Variants in ZNF431 observed in about 807,000 individuals in gnomAD.
ZNF431 encodes the protein zinc finger protein 431.
ZNF431 carries 34 observed loss-of-function variants against 57.0 expected under a neutral mutation model. The ratio of observed to expected loss-of-function variants is 0.60; its 90% CI spans 0.45 to 0.79. The LOEUF (loss-of-function observed/expected upper bound fraction) is 0.79, where lower values mean the gene tolerates loss of function less well. Among genes scored for constraint, ZNF431 ranks in the 30% least tolerant of loss-of-function variants. The pLI, the probability that ZNF431 is intolerant of heterozygous loss-of-function variation, is 0.00. For missense variants in ZNF431, 607 were observed against 667.1 expected, an observed-to-expected ratio of 0.91 and a Z score of 0.99; for synonymous variants, 207 against 220.3, an observed-to-expected ratio of 0.94 and a Z score of 0.54.
At position 21,185,685 on chromosome 19, in the gene ZNF431, TCC is replaced by T. The variant is rs1971353284; in HGVS notation, c.*1652_*1653del. 3 of 152,276 alleles carry T rather than the reference TCC, an allele frequency of 2.0e-5. No individual in the cohort carries two copies. The highest frequency in any genetic ancestry group is 4.8e-5 in the African/African-American group (2 of 41,448). The allele number at this position is 152,276 out of a possible 1,614,324, so 9.4% of individuals were successfully genotyped here. A position where few individuals can be genotyped will look rare whatever the true frequency, so the allele number is the denominator to read the frequency against. On this transcript the variant is annotated 3_prime_UTR_variant, in exon 5 of 5. Transcript: ENST00000311048. ...CATATTGGCCAAGCTGGTCTTGAAC[TCC>T]TGACCTCATGTGATCCGCCCGCCTC...
intron 2 of ZNF431, among the ~76,000 whole-genome samples, chr19:21,152,888 G>A (rs1970315849): frequency 6.6e-6 from 1 of 152,188 alleles, no homozygotes; most frequent in Admixed American, 6.5e-5. Flanking sequence ...CAGACCCCAA[G>A]AGAGGGTTCT....
chr19:21,174,690 A>G (rs1179810220), intron 4 of ZNF431, among the ~76,000 whole-genome samples: 2 of 152,196 alleles, frequency 1.3e-5, no homozygotes, highest in African/African-American at 4.8e-5. Flanking sequence ...AGCAAATTGT[A>G]TACTTTTTAA....
At chr19:21,154,129 C>G (rs540205279) in intron 2 of ZNF431, among the ~76,000 whole-genome samples, 5 of 152,102 alleles carry the variant, frequency 3.3e-5, no homozygotes, top group East Asian at 1.9e-4. Flanking sequence ...CCCATTAACT[C>G]GTCATTTAAC....
chr19:21,175,989 A>C (rs1002729352), intron 4 of ZNF431, among the ~76,000 whole-genome samples: 3 of 152,200 alleles, frequency 2.0e-5, no homozygotes, highest in Non-Finnish European at 2.9e-5. Flanking sequence ...TAGGTCTTTG[A>C]GGAATCGCCA....
chr19:21,148,030 C>G (rs1352621147), intron 2 of ZNF431, among the ~76,000 whole-genome samples: 1 of 151,704 alleles, frequency 6.6e-6, no homozygotes, highest in African/African-American at 2.4e-5. Flanking sequence ...GAGTCTCGCC[C>G]CGTTGCCTAG....
chr19:21,178,375 A>G (rs1439817174), intron 4 of ZNF431, among the ~76,000 whole-genome samples: 3 of 152,112 alleles, frequency 2.0e-5, no homozygotes, highest in African/African-American at 7.2e-5. Context: ...GGGAGAGGGC[A>G]TCCTCATCTA....
chr19:21,161,692 T>C (rs948189861), intron 2 of ZNF431, among the ~76,000 whole-genome samples: 2 of 152,162 alleles, frequency 1.3e-5, no homozygotes, highest in Non-Finnish European at 2.9e-5. Flanking sequence ...TTGCTCTTGT[T>C]GCGCAGGCTG....
intron 4 of ZNF431, among the ~76,000 whole-genome samples, chr19:21,177,702 C>T (rs1200318824): frequency 6.6e-6 from 1 of 152,174 alleles, no homozygotes; most frequent in East Asian, 1.9e-4. Flanking sequence ...GCAGGAGAAT[C>T]GCTTGAACCT....
rs191367773 is a variant in ZNF431, at chr19:21,187,747, G to A, written c.*3713G>A. 4 of 152,188 alleles carry A rather than the reference G, an allele frequency of 2.6e-5. No individual in the cohort carries two copies. The East Asian group carries it at 5.8e-4, about 22-fold the overall frequency. The allele number at this position is 152,188 out of a possible 1,614,324, so 9.4% of individuals were successfully genotyped here. Reference sequence around the variant, plus strand: ...GAGGGAAACTCCATCTGAAAAAAAAGAGAAATTCTTTTATTTTCTACTTCT... The same window carrying A: ...GAGGGAAACTCCATCTGAAAAAAAAAAGAAATTCTTTTATTTTCTACTTCT... On this transcript the variant is annotated 3_prime_UTR_variant, in exon 5 of 5. Transcript: ENST00000311048.
At chr19:21,142,360 G>C (rs1008325182) in intron 1 of ZNF431, among the ~76,000 whole-genome samples, 174 bp downstream of exon 1, 3 of 152,208 alleles carry the variant, frequency 2.0e-5, no homozygotes, top group African/African-American at 7.2e-5. Context: ...CGGCTGTGCT[G>C]ACAGTCGGGA....
chr19:21,179,784 T>C (rs554715843), intron 4 of ZNF431, among the ~76,000 whole-genome samples: 2 of 152,224 alleles, frequency 1.3e-5, no homozygotes, highest in Non-Finnish European at 2.9e-5. Flanking sequence ...GGTCTCGAAC[T>C]CCCGACCTCA....
rs971111835 is a variant in ZNF431, at chr19:21,194,112, A to C, written c.*10078A>C. 4 of 152,208 alleles carry C rather than the reference A, an allele frequency of 2.6e-5. No individual in the cohort carries two copies. Among genetic ancestry groups the C allele is most frequent in the Non-Finnish European group, 4.4e-5 (3 of 68,030 alleles). The allele number at this position is 152,208 out of a possible 1,614,324, so 9.4% of individuals were successfully genotyped here. A position where few individuals can be genotyped will look rare whatever the true frequency, so the allele number is the denominator to read the frequency against. On this transcript the variant is annotated 3_prime_UTR_variant, in exon 5 of 5. Coordinates refer to ENST00000311048, the MANE Select transcript of ZNF431 (RefSeq NM_133473.4). ...TATAATTCTCTACCTAGAAAACTTT[A>C]AGGATTTTACCAAAAGACTCCTAAG... is the stretch of plus-strand genomic sequence containing the variant.
In ZNF431 at chr19:21,191,081, C is replaced by T. The variant is rs930064015; in HGVS notation, c.*7047C>T. 6.6e-6 allele frequency: 1 copy of T among 152,080 alleles called. No individual in the cohort carries two copies. Among genetic ancestry groups the T allele is most frequent in the Non-Finnish European group, 1.5e-5 (1 of 68,014 alleles). 9.4% of individuals were successfully genotyped at this position (152,080 alleles called of 1,614,324 possible). On this transcript the variant is annotated 3_prime_UTR_variant, in exon 5 of 5. Coordinates refer to ENST00000311048, the MANE Select transcript of ZNF431 (RefSeq NM_133473.4). The stretch of plus-strand genomic sequence containing the variant: ...AGTTGTCACATTCTGTTGATTGTAT[C>T]AGATTTTGTCCAGCAGCTTTTTAAT...
At chr19:21,144,867 A>G (rs1287584598) in intron 2 of ZNF431, among the ~76,000 whole-genome samples, 2 of 152,168 alleles carry the variant, frequency 1.3e-5, no homozygotes, top group Non-Finnish European at 1.5e-5. Flanking sequence ...ATCTCTGTTC[A>G]AATCCTGTTA....
Position 21,185,534 on chromosome 19 carries a change from C to T in ZNF431, c.*1500C>T, listed in dbSNP as rs1971349211. 1 of 152,232 alleles carries T rather than the reference C, an allele frequency of 6.6e-6. No individual in the cohort carries two copies. The highest frequency in any genetic ancestry group is 1.5e-5 in the Non-Finnish European group (1 of 68,074). The allele number at this position is 152,232 out of a possible 1,614,324, so 9.4% of individuals were successfully genotyped here. A position where few individuals can be genotyped will look rare whatever the true frequency, so the allele number is the denominator to read the frequency against. On this transcript the variant is annotated 3_prime_UTR_variant, in exon 5 of 5. Transcript: ENST00000311048. ...GGAGTGCATTGGCATGATCTCAGCT[C>T]ACTACAACCTCTGCCTTCTGGTTTC...
intron 2 of ZNF431, among the ~76,000 whole-genome samples, chr19:21,156,525 G>A (rs1277945429): frequency 1.3e-5 from 2 of 151,876 alleles, no homozygotes; most frequent in East Asian, 1.9e-4. Flanking sequence ...TTGTCCTTTC[G>A]TTCTGCATTC....
At chr19:21,171,146 A>G (rs868532875) in intron 4 of ZNF431, among the ~76,000 whole-genome samples, 1 of 152,266 alleles carries the variant, frequency 6.6e-6, no homozygotes, top group African/African-American at 2.4e-5. Flanking sequence ...AATTTATCAT[A>G]TTTTTTACAT....
rs775239075 is a variant in ZNF431 at position 21,166,468 on chromosome 19, A to G, written c.223+7A>G. The G allele has an allele frequency of 1.3e-6, 2 of 1,598,044 alleles. No individual in the cohort carries two copies. Among genetic ancestry groups the G allele is most frequent in the South Asian group, 1.1e-5 (1 of 87,652 alleles). On this transcript the variant is annotated splice_region_variant and intron_variant, in intron 3 of 4. Transcript: ENST00000311048. Reference sequence around the variant, plus strand: ...AAAAACCTGGTCTTCTTGGGTGAGAATAACTTTCATACACAATTCTTAATA... The same window carrying G: ...AAAAACCTGGTCTTCTTGGGTGAGAGTAACTTTCATACACAATTCTTAATA...
chr19:21,162,184 G>GTGTGTT (rs1003159805), intron 2 of ZNF431, among the ~76,000 whole-genome samples: 1 of 143,484 alleles, frequency 7.0e-6, no homozygotes, highest in African/African-American at 2.6e-5. Context: ...GTGTGTGTGT[G>GTGTGTT]TTTTCTTGAA....
Sources: allele counts gnomAD v4.1 joint callset (sites outside exome capture counted in the v4.1 genomes callset), GRCh38; gene constraint gnomAD v4.1.1; transcripts MANE v1.5; gene names NCBI Gene and HGNC (gene_info 2026-07-23, HGNC 2026-07-21).